Variants in ZBTB20 observed in about 807,000 individuals in gnomAD.
The protein encoded by ZBTB20 is zinc finger and BTB domain-containing protein 20.
Under a neutral mutation model 56.9 loss-of-function variants are expected in ZBTB20, and 9 were observed. The observed-to-expected ratio is 0.16, with a 90% CI of 0.10 to 0.28. The LOEUF (loss-of-function observed/expected upper bound fraction) is 0.28. ZBTB20 is among the 10% of genes least tolerant of loss of function. The probability of loss-of-function intolerance (pLI) is 1.00; values close to 1 mark genes in which losing one functional copy is unlikely to be tolerated. For missense variants in ZBTB20, 655 were observed against 1,003.0 expected (o/e 0.65, Z 4.69); for synonymous variants, 417 against 420.7 (o/e 0.99, Z 0.11).
chr3:114,838,866 A>C (rs1184233939), intron 4 of ZBTB20, among the ~76,000 whole-genome samples: 4 of 152,174 alleles, frequency 2.6e-5, no homozygotes, highest in African/African-American at 4.8e-5. Context: ...CAGAGAGGCA[A>C]ACAAGGATGT....
chr3:114,843,321 C>G (rs1247750828), intron 4 of ZBTB20, among the ~76,000 whole-genome samples: 2 of 152,132 alleles, frequency 1.3e-5, no homozygotes, highest in African/African-American at 2.4e-5. Flanking sequence ...CCCCCTGAGT[C>G]CAGATTTGAA....
rs2078716050 is a variant in ZBTB20, at chr3:114,317,157, A to C, written c.*21848T>G. ...TTGTGGGTATGTGAGTGCCAGCATCAAGTAGGAATAAGGCACCAGAGAAAT... is the reference window on the plus strand; with the variant it reads ...TTGTGGGTATGTGAGTGCCAGCATCCAGTAGGAATAAGGCACCAGAGAAAT... On this transcript the variant is annotated 3_prime_UTR_variant, in exon 12 of 12. Transcript: ENST00000675478. 1 of 152,644 alleles carries C rather than the reference A, an allele frequency of 6.6e-6. No individual in the cohort carries two copies. Among genetic ancestry groups the C allele is most frequent in the African/African-American group, 2.4e-5 (1 of 41,392 alleles). The allele number at this position is 152,644 out of a possible 1,614,324, so 9.5% of individuals were successfully genotyped here.
intron 1 of ZBTB20, among the ~76,000 whole-genome samples, chr3:115,104,953 T>G (rs998980881): frequency 3.9e-5 from 6 of 152,110 alleles, no homozygotes; most frequent in Non-Finnish European, 5.9e-5. Flanking sequence ...TGTGCATGTG[T>G]GAAGGCAGGG....
chr3:114,837,343 A>C (rs2074171439), intron 4 of ZBTB20, among the ~76,000 whole-genome samples: 1 of 152,182 alleles, frequency 6.6e-6, no homozygotes, highest in African/African-American at 2.4e-5. Context: ...TGGATGTGTT[A>C]GTTATCTATT....
rs928110717 is a variant in ZBTB20, at chr3:114,325,213, G to T, written c.*13792C>A. The T allele has an allele frequency of 6.6e-6, 1 of 151,974 alleles. No individual in the cohort carries two copies. Among genetic ancestry groups the T allele is most frequent in the Admixed American group, 6.6e-5 (1 of 15,234 alleles). 9.4% of individuals were successfully genotyped at this position (151,974 alleles called of 1,614,324 possible). ...CAGGAAAACTGAGGTTCAAATCAAC[G>T]GGCCTAAAGAAGAAGTTTAGCAGCT... On this transcript the variant is annotated 3_prime_UTR_variant, in exon 12 of 12. Coordinates refer to ENST00000675478, the MANE Select transcript of ZBTB20 (RefSeq NM_001348800.3).
rs886889613 is a variant in ZBTB20, at chr3:114,321,239, G to A, written c.*17766C>T. ...AATATAATTCTGTTAGAGAGGACAT[G>A]GTGGTGAGATGGGAAAGAAAAGAGA... On this transcript the variant is annotated 3_prime_UTR_variant, in exon 12 of 12. Coordinates refer to ENST00000675478, the MANE Select transcript of ZBTB20 (RefSeq NM_001348800.3). 2 of 152,248 alleles carry A rather than the reference G, an allele frequency of 1.3e-5. No individual in the cohort carries two copies. The highest frequency in any genetic ancestry group is 1.5e-5 in the Non-Finnish European group (1 of 68,054). The allele number at this position is 152,248 out of a possible 1,614,324, so 9.4% of individuals were successfully genotyped here.
intron 6 of ZBTB20, among the ~76,000 whole-genome samples, chr3:114,661,216 C>A (rs149109428): frequency 1.3e-5 from 2 of 151,820 alleles, no homozygotes; most frequent in Non-Finnish European, 2.9e-5. Context: ...GGAAAGCTCA[C>A]GAAAATGACC....
chr3:114,746,129 C>T (rs962800220), intron 5 of ZBTB20, among the ~76,000 whole-genome samples: 1 of 152,298 alleles, frequency 6.6e-6, no homozygotes, highest in Admixed American at 6.5e-5. Flanking sequence ...TTGCCCTGGG[C>T]AATTGAATAC....
At chr3:114,628,061 T>G (rs1293151377) in intron 6 of ZBTB20, among the ~76,000 whole-genome samples, 1 of 152,194 alleles carries the variant, frequency 6.6e-6, no homozygotes, top group Non-Finnish European at 1.5e-5. Flanking sequence ...TAGGACTGCA[T>G]AAACTCCATA....
At chr3:114,457,031 C>A (rs1322631157) in intron 7 of ZBTB20, among the ~76,000 whole-genome samples, 1 of 152,204 alleles carries the variant, frequency 6.6e-6, no homozygotes, top group African/African-American at 2.4e-5. Context: ...AAACACACGG[C>A]CTACAGTTGA....
intron 2 of ZBTB20, among the ~76,000 whole-genome samples, chr3:115,057,404 A>G (rs2081844309): frequency 6.6e-6 from 1 of 152,060 alleles, no homozygotes. Context: ...TTAACTTATC[A>G]AGGCTACCTT....
intron 3 of ZBTB20, among the ~76,000 whole-genome samples, chr3:114,923,094 A>T (rs2076020716): frequency 6.6e-6 from 1 of 152,250 alleles, no homozygotes; most frequent in Non-Finnish European, 1.5e-5. Context: ...AAACAAGTGT[A>T]AAAATATTGC....
chr3:114,761,175 AT>A (rs752478083), intron 5 of ZBTB20, among the ~76,000 whole-genome samples: 2 of 152,166 alleles, frequency 1.3e-5, no homozygotes, highest in Non-Finnish European at 2.9e-5. Context: ...AAGTTTATTA[AT>A]TCATTAAATA....
At chr3:114,748,278 GCTTCTTTCTTTCTTT>G (rs2067214979) in intron 5 of ZBTB20, among the ~76,000 whole-genome samples, 1 of 130,670 alleles carries the variant, frequency 7.7e-6, no homozygotes, top group Non-Finnish European at 1.7e-5. Flanking sequence ...TTTTGTTGTA[GCTTCTTTCTTTCTTT>G]CTTTCTTTCT....
At chr3:114,844,859 T>TC (rs1431472808) in intron 4 of ZBTB20, among the ~76,000 whole-genome samples, 19 of 63,102 alleles carry the variant, frequency 3.0e-4, no homozygotes, top group African/African-American at 8.2e-4. Context: ...TTTTTCTTTT[T>TC]CTTTTTTTTT....
chr3:115,002,303 T>C (rs776933407), intron 2 of ZBTB20, among the ~76,000 whole-genome samples: 1 of 151,574 alleles, frequency 6.6e-6, no homozygotes, highest in African/African-American at 2.4e-5. Flanking sequence ...ATCTAGTTGA[T>C]CTTGGGTTTG....
intron 2 of ZBTB20, among the ~76,000 whole-genome samples, chr3:114,986,611 C>G (rs989797591): frequency 6.6e-6 from 1 of 152,082 alleles, no homozygotes; most frequent in Non-Finnish European, 1.5e-5. Flanking sequence ...CTTTCTCCCT[C>G]AAAATCTTTT....
intron 4 of ZBTB20, among the ~76,000 whole-genome samples, chr3:114,897,780 G>C (rs981416552): frequency 6.6e-6 from 1 of 152,100 alleles, no homozygotes; most frequent in Non-Finnish European, 1.5e-5. Flanking sequence ...CAGAGGAAAG[G>C]TAGTTCCATG....
chr3:114,644,236 AG>A (rs2059715848), intron 6 of ZBTB20, among the ~76,000 whole-genome samples: 1 of 152,110 alleles, frequency 6.6e-6, no homozygotes, highest in African/African-American at 2.4e-5. Flanking sequence ...GTATGCAGAA[AG>A]AAGCTAATAT....
Sources: gnomAD v4.1 joint callset for allele counts (sites outside exome capture counted in the v4.1 genomes callset) on GRCh38, gnomAD v4.1.1 for gene constraint, MANE v1.5 for transcripts, NCBI Gene and HGNC (gene_info 2026-07-23, HGNC 2026-07-21) for gene names.